TENM3: variants seen among roughly 807,000 people sequenced by gnomAD.
TENM3 encodes teneurin-3.
In TENM3, 63 loss-of-function variants were observed where a neutral mutation model predicts 255.1. That is an observed-to-expected ratio of 0.25 (90% confidence interval 0.20 to 0.30). TENM3 has a LOEUF of 0.30. Ranked by LOEUF, TENM3 falls within the 10% of genes least tolerant of loss-of-function variation. The pLI is 1.00. For synonymous variants in TENM3, 1,306 were observed against 1,322.3 expected (o/e 0.99, Z 0.27); for missense variants, 2,929 against 3,461.1 (o/e 0.85, Z 3.86).
the TENM3 span, among the ~76,000 whole-genome samples, chr4:181,849,125 T>C: frequency 2.5e-4 from 38 of 152,348 alleles, no homozygotes; most frequent in South Asian, 6.8e-3. Context: ...CAGAGAATTA[T>C]ATCAGTGGTA....
the TENM3 span, among the ~76,000 whole-genome samples, chr4:181,910,590 G>GTATA: frequency 4.4e-3 from 630 of 142,826 alleles, 4 homozygotes; most frequent in African/African-American, 0.013. Context: ...ATATGTATTT[G>GTATA]TATATATATA....
chr4:182,650,842 A>G (rs888090829), intron 5 of TENM3, among the ~76,000 whole-genome samples: 1 of 148,090 alleles, frequency 6.8e-6, no homozygotes, highest in Admixed American at 6.7e-5. Flanking sequence ...TAGCATCTTC[A>G]GTAGAACCAG....
At chr4:181,778,425 A>G in the TENM3 span, among the ~76,000 whole-genome samples, 15 of 152,296 alleles carry the variant, frequency 9.8e-5, no homozygotes, top group East Asian at 2.9e-3. Flanking sequence ...TCTTTGATCT[A>G]TATAAACTTT....
chr4:181,830,670 T>C, the TENM3 span, among the ~76,000 whole-genome samples: 1 of 152,076 alleles, frequency 6.6e-6, no homozygotes, highest in Non-Finnish European at 1.5e-5. Flanking sequence ...AAAGATTGGG[T>C]TATATTATGT....
intron 3 of TENM3, among the ~76,000 whole-genome samples, chr4:182,560,430 G>A (rs1743043113): frequency 1.3e-5 from 2 of 152,092 alleles, no homozygotes; most frequent in Admixed American, 1.3e-4. Flanking sequence ...CGAGCTCAGT[G>A]CCCCCTCTAC....
the TENM3 span, among the ~76,000 whole-genome samples, chr4:181,904,194 C>T: frequency 0.083 from 12,638 of 152,064 alleles, 653 homozygotes; most frequent in East Asian, 0.2. Flanking sequence ...CATCCTCCAC[C>T]GCCACCACCT....
intron 5 of TENM3, among the ~76,000 whole-genome samples, chr4:182,632,393 A>G (rs892566554): frequency 2.0e-5 from 3 of 152,230 alleles, no homozygotes; most frequent in African/African-American, 7.2e-5. Context: ...GTCAGTTTAC[A>G]TAACCACCAA....
chr4:182,745,561 A>T (rs967652595), intron 19 of TENM3, among the ~76,000 whole-genome samples: 3 of 152,224 alleles, frequency 2.0e-5, no homozygotes, highest in Non-Finnish European at 4.4e-5. Flanking sequence ...AGATCCACAC[A>T]GCAACCCCTC....
At chr4:182,371,622 C>G (rs1766821347) in intron 3 of TENM3, among the ~76,000 whole-genome samples, 1 of 152,142 alleles carries the variant, frequency 6.6e-6, no homozygotes, top group Non-Finnish European at 1.5e-5. Context: ...CCATGGATGA[C>G]TAGATTAGGA....
chr4:181,737,207 GA>G, the TENM3 span, among the ~76,000 whole-genome samples: 1 of 152,154 alleles, frequency 6.6e-6, no homozygotes, highest in South Asian at 2.1e-4. Context: ...AATTTAACCC[GA>G]ACTTCCACTT....
At chr4:182,430,286 C>T (rs914057294) in intron 3 of TENM3, among the ~76,000 whole-genome samples, 2 of 152,202 alleles carry the variant, frequency 1.3e-5, no homozygotes, top group African/African-American at 4.8e-5. Context: ...CAGTGGCTCA[C>T]GCCTGTAATC....
the TENM3 span, among the ~76,000 whole-genome samples, chr4:181,570,134 C>T: frequency 6.0e-5 from 9 of 151,170 alleles, no homozygotes; most frequent in Admixed American, 1.3e-4. Context: ...CAAGCTCCGC[C>T]TCCCGGGTTC....
intron 7 of TENM3, among the ~76,000 whole-genome samples, chr4:182,673,489 A>G (rs1022524755): frequency 6.6e-6 from 1 of 152,228 alleles, no homozygotes; most frequent in Non-Finnish European, 1.5e-5. Flanking sequence ...CTGAGCACCC[A>G]GTAAAACACC....
At chr4:182,727,413 G>A in intron 13 of TENM3, among the ~76,000 whole-genome samples, 1 of 136,804 alleles carries the variant, frequency 7.3e-6, no homozygotes. Context: ...CTGAGATCGT[G>A]CCACTGCACT....
chr4:182,335,905 C>T (rs777262772), intron 2 of TENM3, among the ~76,000 whole-genome samples: 4 of 152,142 alleles, frequency 2.6e-5, no homozygotes, highest in Non-Finnish European at 5.9e-5. Flanking sequence ...TTCACACGGT[C>T]AGTAAACGTG....
intron 1 of TENM3, among the ~76,000 whole-genome samples, chr4:182,219,654 C>G (rs989779649): frequency 1.3e-5 from 2 of 151,864 alleles, no homozygotes; most frequent in South Asian, 4.2e-4. Context: ...TACAGTGAGA[C>G]CCAATCTCCA....
intron 3 of TENM3, among the ~76,000 whole-genome samples, chr4:182,452,336 CG>C (rs1580597055): frequency 3.1e-5 from 1 of 32,202 alleles, no homozygotes; most frequent in Non-Finnish European, 6.6e-5. Context: ...TGGCAGGGGA[CG>C]GGGGGCGGGG....
the TENM3 span, among the ~76,000 whole-genome samples, chr4:182,001,956 G>C: frequency 1.6e-3 from 251 of 152,214 alleles, 2 homozygotes; most frequent in African/African-American, 5.7e-3. Context: ...CTTGTATGAA[G>C]TTTATAATAC....
At chr4:181,474,916 C>G in the TENM3 span, among the ~76,000 whole-genome samples, 1 of 152,054 alleles carries the variant, frequency 6.6e-6, no homozygotes, top group African/African-American at 2.4e-5. Context: ...CCACCTACAG[C>G]CTTGGCCACT....
Sources: allele counts gnomAD v4.1 joint callset (sites outside exome capture counted in the v4.1 genomes callset), GRCh38; gene constraint gnomAD v4.1.1; transcripts MANE v1.5; gene names NCBI Gene and HGNC (gene_info 2026-07-23, HGNC 2026-07-21).